CASK: variants seen among roughly 807,000 people sequenced by gnomAD.
CASK encodes the protein calcium/calmodulin dependent serine protein kinase, also known as peripheral plasma membrane protein CASK.
A neutral mutation model predicts 82.9 loss-of-function variants in CASK; 4 were observed. The ratio of observed to expected loss-of-function variants is 0.05; its 90% CI spans 0.02 to 0.11. The LOEUF (loss-of-function observed/expected upper bound fraction) is 0.11. CASK is among the 10% of genes least tolerant of loss of function. The pLI is 1.00. For missense variants in CASK, 358 were observed against 720.9 expected (o/e 0.50, Z 5.76); for synonymous variants, 259 against 253.5 (o/e 1.02, Z -0.20).
At chrX:41,555,557 G>A (rs368272124) in intron 20 of CASK, 43 bp downstream of exon 20, 2 of 1,044,113 alleles carry the variant, frequency 1.9e-6, no homozygotes, top group African/African-American at 1.9e-5. Context: ...TTGGCTATTA[G>A]CTGCTCAGTT....
intron 18 of CASK, chrX:41,559,249 G>C (rs2998254): frequency 8.7e-6 from 1 of 115,120 alleles, no homozygotes; most frequent in Non-Finnish European, 1.8e-5. Flanking sequence ...AATTTAAACA[G>C]TTTTACAAAA....
At chrX:41,543,869 TG>T (rs2064980294) in intron 21 of CASK, among the ~76,000 whole-genome samples, 1 of 112,514 alleles carries the variant, frequency 8.9e-6, no homozygotes, top group Non-Finnish European at 1.9e-5. Flanking sequence ...TGGCAACACT[TG>T]GTATTATCTG....
chrX:41,914,122 T>C (rs1213779308), intron 1 of CASK, among the ~76,000 whole-genome samples: 3 of 112,251 alleles, frequency 2.7e-5, no homozygotes, highest in African/African-American at 9.7e-5. Context: ...TGAATGGTAA[T>C]ACAGTGTACT....
intron 3 of CASK, among the ~76,000 whole-genome samples, chrX:41,785,437 G>A (rs2069575192): frequency 8.9e-6 from 1 of 112,063 alleles, no homozygotes; most frequent in African/African-American, 3.2e-5. Flanking sequence ...ACTATGAATG[G>A]TCCAGGGTGA....
At chrX:41,788,100 T>A (rs1439818895) in intron 2 of CASK, among the ~76,000 whole-genome samples, 1 of 99,325 alleles carries the variant, frequency 1.0e-5, no homozygotes, top group Middle Eastern at 4.8e-3. Flanking sequence ...GAAGTTGCAG[T>A]GAGCCGGGAT....
chrX:41,609,760 T>C lies in CASK; in HGVS notation c.1155+144A>G, dbSNP rs762843352. 7.1e-6 allele frequency: 4 copies of C among 565,508 alleles called. No individual in the cohort carries two copies. The African/African-American group carries it at 9.3e-5, about 13-fold the overall frequency. The allele number at this position is 565,508 out of a possible 1,213,427, so 46.6% of individuals were successfully genotyped here. Reference sequence around the variant, plus strand: ...TTTTAGTAGAGACCACGTTTCACCATGTTGGCCAGGATGGTCTCAGTCTCC... The same window carrying C: ...TTTTAGTAGAGACCACGTTTCACCACGTTGGCCAGGATGGTCTCAGTCTCC... On this transcript the variant is annotated intron_variant, in intron 12 of 26. Coordinates refer to ENST00000378163, the MANE Select transcript of CASK (RefSeq NM_001367721.1).
intron 16 of CASK, among the ~76,000 whole-genome samples, chrX:41,565,354 A>G: frequency 8.9e-6 from 1 of 111,974 alleles, no homozygotes; most frequent in East Asian, 2.8e-4. Flanking sequence ...CTAATAAAGA[A>G]GAAAAGAGAG....
intron 3 of CASK, among the ~76,000 whole-genome samples, chrX:41,750,313 T>C (rs112877436): frequency 5.2e-3 from 588 of 112,534 alleles, no homozygotes; most frequent in African/African-American, 0.017. Flanking sequence ...TTGAACCTTT[T>C]GAACAAAGTT....
intron 5 of CASK, among the ~76,000 whole-genome samples, chrX:41,674,228 A>G (rs186119876): frequency 1.4e-4 from 16 of 110,873 alleles, no homozygotes; most frequent in African/African-American, 4.6e-4. Flanking sequence ...ATGCAAGCAA[A>G]GGAAGCAGGG....
At chrX:41,538,986 T>C (rs1183804614) in intron 22 of CASK, among the ~76,000 whole-genome samples, 1 of 111,052 alleles carries the variant, frequency 9.0e-6, no homozygotes, top group Non-Finnish European at 1.9e-5. Flanking sequence ...CCACCCAGAG[T>C]TACTAAAAGA....
At chrX:41,601,143 T>C (rs2147259257) in intron 12 of CASK, among the ~76,000 whole-genome samples, 1 of 111,158 alleles carries the variant, frequency 9.0e-6, no homozygotes, top group African/African-American at 3.3e-5. Flanking sequence ...AGACATTTAG[T>C]TGGGAAAGAT....
chrX:41,556,374 T>C (rs2065159913), intron 19 of CASK: 2 of 112,814 alleles, frequency 1.8e-5, no homozygotes. Flanking sequence ...AACAATTCTT[T>C]CTATATTCCA....
At chrX:41,769,355 T>C (rs370706448) in intron 3 of CASK, among the ~76,000 whole-genome samples, 2 of 108,754 alleles carry the variant, frequency 1.8e-5, no homozygotes, top group Non-Finnish European at 3.8e-5. Context: ...ACCCCCATGC[T>C]TGGCTAATTT....
chrX:41,814,781 A>T (rs2070380473), intron 2 of CASK, among the ~76,000 whole-genome samples: 1 of 112,216 alleles, frequency 8.9e-6, no homozygotes, highest in Non-Finnish European at 1.9e-5. Context: ...TTGAAGGGAA[A>T]AAAAGAGCTT....
chrX:41,897,298 G>T (rs1298932116), intron 1 of CASK, among the ~76,000 whole-genome samples: 2 of 111,588 alleles, frequency 1.8e-5, no homozygotes, highest in Non-Finnish European at 3.8e-5. Flanking sequence ...CTAATTTCTT[G>T]AGAGTTTTAT....
At chrX:41,646,039 AC>A (rs1197541722) in intron 8 of CASK, among the ~76,000 whole-genome samples, 1 of 111,011 alleles carries the variant, frequency 9.0e-6, no homozygotes, top group African/African-American at 3.3e-5. Context: ...GGTTATAAAT[AC>A]CCCCCTCTGT....
chrX:41,898,752 T>C (rs981969598), intron 1 of CASK, among the ~76,000 whole-genome samples: 1 of 112,064 alleles, frequency 8.9e-6, no homozygotes, highest in Admixed American at 9.5e-5. Flanking sequence ...CGTTTTCTTT[T>C]GATTTCTAGT....
At chrX:41,624,283 T>C (rs1463504156) in intron 10 of CASK, 8 of 352,653 alleles carry the variant, frequency 2.3e-5, no homozygotes, top group Non-Finnish European at 3.8e-5. Flanking sequence ...TAAGAAGCAC[T>C]GGGGACCACA....
intron 11 of CASK, among the ~76,000 whole-genome samples, chrX:41,612,805 C>T (rs1417123753): frequency 2.0e-5 from 2 of 99,015 alleles, no homozygotes; most frequent in East Asian, 3.4e-4. Flanking sequence ...AGCTGAGGGG[C>T]GCCTCTGCCT....
Sources: gnomAD v4.1 joint callset for allele counts (sites outside exome capture counted in the v4.1 genomes callset) on GRCh38, gnomAD v4.1.1 for gene constraint, MANE v1.5 for transcripts, NCBI Gene and HGNC (gene_info 2026-07-23, HGNC 2026-07-21) for gene names.